The following PLEKHM3 variants were observed in gnomAD, a reference collection of about 807,000 sequenced individuals.
PLEKHM3 encodes pleckstrin homology domain-containing family M member 3.
In PLEKHM3, 45 loss-of-function variants were observed where a neutral mutation model predicts 81.8. That is an observed-to-expected ratio of 0.55 (90% CI 0.43 to 0.71). The LOEUF is 0.71. Among genes scored for constraint, PLEKHM3 ranks in the 30% least tolerant of loss-of-function variants. The pLI is 0.00. For missense variants in PLEKHM3, 788 were observed against 924.3 expected (o/e 0.85, Z 1.91); for synonymous variants, 352 against 356.4 (o/e 0.99, Z 0.14).
intron 6 of PLEKHM3, among the ~76,000 whole-genome samples, chr2:207,891,921 G>A (rs76996269): frequency 0.016 from 2,458 of 152,312 alleles, 69 homozygotes; most frequent in African/African-American, 0.056. Context: ...TGAGAACTAA[G>A]TAACTCAGGT....
chr2:208,018,695 T>C (rs988294554), intron 1 of PLEKHM3, among the ~76,000 whole-genome samples: 1 of 152,156 alleles, frequency 6.6e-6, no homozygotes, highest in African/African-American at 2.4e-5. Context: ...AGTCTTACCC[T>C]CCTCTAATCC....
At chr2:207,925,919 T>C (rs535003417) in intron 5 of PLEKHM3, among the ~76,000 whole-genome samples, 46 of 152,012 alleles carry the variant, frequency 3.0e-4, no homozygotes, top group Admixed American at 9.8e-4. Context: ...ATCTAGACAT[T>C]CGGCATCCTT....
At position 208,001,874 on chromosome 2, in the gene PLEKHM3, C is replaced by G. The variant is rs1173514037; in HGVS notation, c.-235G>C. On this transcript the variant is annotated 5_prime_UTR_variant, in exon 2 of 8. Transcript: ENST00000427836. ...CAGATGTATAGGGAGACCAAATGTTCCTTTGAGATTATTCTTCAGTGAGAC... is the reference window on the plus strand; with the variant it reads ...CAGATGTATAGGGAGACCAAATGTTGCTTTGAGATTATTCTTCAGTGAGAC... The G allele has an allele frequency of 1.8e-6, 1 of 547,000 alleles. No individual in the cohort carries two copies. The highest frequency in any genetic ancestry group is 3.1e-6 in the Non-Finnish European group (1 of 320,468). 33.9% of individuals were successfully genotyped at this position (547,000 alleles called of 1,614,324 possible). A position where few individuals can be genotyped will look rare whatever the true frequency, so the allele number is the denominator to read the frequency against.
At chr2:207,912,872 A>G (rs1688853369) in intron 5 of PLEKHM3, among the ~76,000 whole-genome samples, 1 of 152,154 alleles carries the variant, frequency 6.6e-6, no homozygotes, top group African/African-American at 2.4e-5. Flanking sequence ...TTTGCAAGAC[A>G]TTCTCTAAAT....
intron 3 of PLEKHM3, among the ~76,000 whole-genome samples, chr2:207,969,943 T>C (rs1691053842): frequency 6.6e-6 from 1 of 152,170 alleles, no homozygotes. Context: ...GTTTCAGACA[T>C]CCATTCCCAC....
At chr2:207,863,420 CTT>C (rs2092478480) in intron 6 of PLEKHM3, among the ~76,000 whole-genome samples, 4 of 152,238 alleles carry the variant, frequency 2.6e-5, no homozygotes, top group Admixed American at 2.6e-4. Flanking sequence ...ACAGTGTTGT[CTT>C]TTCTCACCCA....
chr2:207,868,805 T>C (rs2092517065), intron 6 of PLEKHM3: 1 of 152,134 alleles, frequency 6.6e-6, no homozygotes, highest in Non-Finnish European at 1.5e-5. Flanking sequence ...AAGGAAGACA[T>C]CAAGTTGTTC....
intron 2 of PLEKHM3, among the ~76,000 whole-genome samples, chr2:207,985,845 G>A (rs558644722): frequency 6.6e-6 from 1 of 152,102 alleles, no homozygotes; most frequent in East Asian, 1.9e-4. Flanking sequence ...AAAATTAGCC[G>A]GGTGTGGTGG....
Position 208,001,544 on chromosome 2 carries a change from C to A in PLEKHM3, c.96G>T (p.Gln32His). Residue 32 changes from glutamine to histidine, a missense_variant, in exon 2 of 8, where the codon CAG becomes CAT. Gln to His is a conservative substitution (Grantham distance 24, BLOSUM62 0). Coordinates refer to ENST00000427836, the MANE Select transcript of PLEKHM3 (RefSeq NM_001080475.3). Reference sequence around the variant, plus strand: ...CCTGGATCCCATAAACCTCTGCCTGCTGCACAGCCTTTTCTAGATTACTAT... The same window carrying A: ...CCTGGATCCCATAAACCTCTGCCTGATGCACAGCCTTTTCTAGATTACTAT... ...TLDSNLEKAV[Q>H]QAEVYGIQEV... The A allele has an allele frequency of 6.2e-7, 1 of 1,614,208 alleles. No individual in the cohort carries two copies. Among genetic ancestry groups the A allele is most frequent in the Non-Finnish European group, 8.5e-7 (1 of 1,180,028 alleles).
Position 207,828,205 on chromosome 2 carries a change from G to C in PLEKHM3, c.*114C>G, listed in dbSNP as rs1286306636. ...AAATAAATATATATATCTATATCTA[G>C]TTGAAGAGGATACATACTCTTCTTC... is the stretch of plus-strand genomic sequence containing the variant. On this transcript the variant is annotated 3_prime_UTR_variant, in exon 8 of 8. Transcript: ENST00000427836. 3.3e-6 allele frequency: 3 copies of C among 914,048 alleles called. No homozygotes were observed. Among genetic ancestry groups the C allele is most frequent in the Non-Finnish European group, 4.9e-6 (3 of 608,854 alleles). The allele number at this position is 914,048 out of a possible 1,614,324, so 56.6% of individuals were successfully genotyped here.
chr2:207,966,865 A>G (rs557351997), intron 3 of PLEKHM3, among the ~76,000 whole-genome samples: 8 of 152,272 alleles, frequency 5.3e-5, no homozygotes, highest in Middle Eastern at 3.4e-3. Context: ...TAGGATGTGT[A>G]TTCTTAAAGA....
At chr2:207,893,148 T>C (rs1411113837) in intron 6 of PLEKHM3, among the ~76,000 whole-genome samples, 4 of 152,204 alleles carry the variant, frequency 2.6e-5, no homozygotes, top group Admixed American at 2.6e-4. Flanking sequence ...GTTATCTCTA[T>C]GTTAAATTAA....
intron 3 of PLEKHM3, among the ~76,000 whole-genome samples, chr2:207,950,952 G>C (rs1413302402): frequency 1.3e-5 from 2 of 152,144 alleles, no homozygotes; most frequent in Non-Finnish European, 2.9e-5. Context: ...AAAGAACACA[G>C]AATGGTTGGA....
chr2:207,917,573 T>G (rs1230171535), intron 5 of PLEKHM3, among the ~76,000 whole-genome samples: 1 of 152,138 alleles, frequency 6.6e-6, no homozygotes, highest in African/African-American at 2.4e-5. Context: ...CCAGGCAGGG[T>G]GGCTCACGCT....
At chr2:208,014,175 AGCAAG>A (rs1269430011) in intron 1 of PLEKHM3, among the ~76,000 whole-genome samples, 4 of 152,224 alleles carry the variant, frequency 2.6e-5, no homozygotes, top group Non-Finnish European at 5.9e-5. Context: ...TCAGGAAACA[AGCAAG>A]GCTGGCAAAG....
In PLEKHM3 at chr2:207,823,077, C is replaced by G. The variant is rs2092228340; in HGVS notation, c.*5242G>C. 6.6e-6 allele frequency: 1 copy of G among 152,114 alleles called. No individual in the cohort carries two copies. Among genetic ancestry groups the G allele is most frequent in the Non-Finnish European group, 1.5e-5 (1 of 68,040 alleles). 9.4% of individuals were successfully genotyped at this position (152,114 alleles called of 1,614,324 possible). ...GCTGTAGGTGCCTGAATCTTCTACT[C>G]TGGGCAACAACCAGCTTCATTCAAA... is the stretch of plus-strand genomic sequence containing the variant. On this transcript the variant is annotated 3_prime_UTR_variant, in exon 8 of 8. Transcript: ENST00000427836.
intron 2 of PLEKHM3, among the ~76,000 whole-genome samples, chr2:207,987,349 G>A (rs751456587): frequency 6.6e-6 from 1 of 152,126 alleles, no homozygotes; most frequent in Non-Finnish European, 1.5e-5. Flanking sequence ...TCTAGCCACC[G>A]ACTCTAATTC....
chr2:208,020,766 T>C (rs150890900), intron 1 of PLEKHM3, among the ~76,000 whole-genome samples: 1 of 152,328 alleles, frequency 6.6e-6, no homozygotes, highest in East Asian at 1.9e-4. Flanking sequence ...GGGGTTAACA[T>C]TTGCTGAAGC....
intron 6 of PLEKHM3, among the ~76,000 whole-genome samples, chr2:207,884,201 A>C (rs1373364146): frequency 1.3e-5 from 2 of 151,030 alleles, no homozygotes; most frequent in Non-Finnish European, 2.9e-5. Flanking sequence ...TATCTGATAC[A>C]GGACATCTGA....
Sources: allele counts gnomAD v4.1 joint callset (sites outside exome capture counted in the v4.1 genomes callset), GRCh38; gene constraint gnomAD v4.1.1; transcripts MANE v1.5; gene names NCBI Gene and HGNC (gene_info 2026-07-23, HGNC 2026-07-21).